CNOT10: variants seen among roughly 807,000 people sequenced by gnomAD.
CNOT10 encodes the protein CCR4-NOT transcription complex subunit 10, also known as CCR4-NOT transcription complex, subunit 10.
A neutral mutation model predicts 94.6 loss-of-function variants in CNOT10; 30 were observed. That is an observed-to-expected ratio of 0.32 (90% CI 0.24 to 0.43). The LOEUF is 0.43. Ranked by LOEUF, CNOT10 falls within the 20% of genes least tolerant of loss-of-function variation. The pLI, the probability that CNOT10 is intolerant of heterozygous loss-of-function variation, is 1.00. For synonymous variants in CNOT10, 289 were observed against 301.6 expected (o/e 0.96, Z 0.43); for missense variants, 759 against 877.2 (o/e 0.87, Z 1.70).
At chr3:32,737,080 A>G (rs1273841666) in intron 12 of CNOT10, among the ~76,000 whole-genome samples, 1 of 152,062 alleles carries the variant, frequency 6.6e-6, no homozygotes, top group East Asian at 1.9e-4. Flanking sequence ...TTGGGAGGCC[A>G]AGGCAGGTGG....
intron 1 of CNOT10, among the ~76,000 whole-genome samples, chr3:32,702,987 C>A (rs1479404668): frequency 6.6e-6 from 1 of 151,040 alleles, no homozygotes; most frequent in Admixed American, 6.6e-5. Context: ...TCTTGGCTCA[C>A]TGCAAGCTCC....
chr3:32,763,976 C>G (rs1356520531), intron 15 of CNOT10, among the ~76,000 whole-genome samples: 1 of 151,958 alleles, frequency 6.6e-6, no homozygotes, highest in Admixed American at 6.6e-5. Context: ...ACTAAAAATA[C>G]AAAATTAGCC....
At chr3:32,717,293 G>A in intron 7 of CNOT10, 56 bp downstream of exon 7, 1 of 1,033,460 alleles carries the variant, frequency 9.7e-7, no homozygotes, top group Non-Finnish European at 1.5e-6. Flanking sequence ...TTTAGACTAT[G>A]GGTATTGTCA....
intron 7 of CNOT10, among the ~76,000 whole-genome samples, chr3:32,717,839 C>T (rs1178567882): frequency 1.3e-5 from 2 of 152,052 alleles, no homozygotes; most frequent in African/African-American, 2.4e-5. Context: ...TCACGCTAGC[C>T]TGGGCAACAG....
intron 8 of CNOT10, among the ~76,000 whole-genome samples, chr3:32,724,953 A>G (rs557529523): frequency 4.0e-4 from 61 of 152,208 alleles, no homozygotes; most frequent in Non-Finnish European, 6.6e-4. Context: ...TTTCTACATA[A>G]TATTTCATTA....
intron 13 of CNOT10, among the ~76,000 whole-genome samples, chr3:32,746,709 C>T (rs1034168407): frequency 5.9e-5 from 9 of 151,950 alleles, no homozygotes; most frequent in African/African-American, 2.2e-4. Flanking sequence ...TGGTGGCAGG[C>T]GCCTGTAGTC....
intron 13 of CNOT10, chr3:32,753,948 T>C: frequency 1.0e-6 from 1 of 964,560 alleles, no homozygotes; most frequent in Non-Finnish European, 1.5e-6. Flanking sequence ...AATATAAAAA[T>C]TAGCTGGGCA....
intron 13 of CNOT10, among the ~76,000 whole-genome samples, chr3:32,749,915 G>T (rs1263844883): frequency 2.0e-5 from 3 of 152,080 alleles, no homozygotes; most frequent in Non-Finnish European, 4.4e-5. Context: ...GGAAAGGAGG[G>T]AAGGAGGAAG....
At chr3:32,734,040 G>A (rs1336461868) in intron 11 of CNOT10, among the ~76,000 whole-genome samples, 11 of 152,212 alleles carry the variant, frequency 7.2e-5, no homozygotes, top group Non-Finnish European at 5.9e-5. Context: ...TTTGTAAAGT[G>A]GCAAACTTTG....
intron 7 of CNOT10, among the ~76,000 whole-genome samples, chr3:32,717,449 A>T (rs1050335816): frequency 1.3e-5 from 2 of 151,170 alleles, no homozygotes; most frequent in South Asian, 4.2e-4. Context: ...TTTCTATTTT[A>T]TGTAACCTTC....
chr3:32,685,543 A>C, intron 1 of CNOT10, 61 bp downstream of exon 1: 1 of 1,538,742 alleles, frequency 6.5e-7, no homozygotes. Context: ...GCGGACCCTG[A>C]ACTCGGAGGC....
At chr3:32,717,375 G>A (rs144754329) in intron 7 of CNOT10, 138 bp downstream of exon 7, 7 of 506,648 alleles carry the variant, frequency 1.4e-5, no homozygotes, top group Middle Eastern at 5.2e-4. Context: ...AAGTTGGGAA[G>A]TAGTAATAAT....
Position 32,701,242 on chromosome 3 carries a change from TAAAATA to T in CNOT10, c.23-2608_23-2603del, listed in dbSNP as rs758976823. Among the ~76,000 whole-genome samples the T allele has an allele frequency of 1.0e-4, 15 of 149,598 alleles. 2 individuals are homozygous for T. Among genetic ancestry groups the T allele is most frequent in the Admixed American group, 5.4e-4 (8 of 14,778 alleles). On this transcript the variant is annotated intron_variant, in intron 1 of 18. Transcript: ENST00000328834. ...GCAAGACTCCATCTAAATAAATAAG[TAAAATA>T]AAAATAAAAATAAAAATGACTAATA... is the stretch of plus-strand genomic sequence containing the variant.
chr3:32,685,585 C>G, intron 1 of CNOT10, 103 bp downstream of exon 1: 1 of 1,315,034 alleles, frequency 7.6e-7, no homozygotes, highest in Non-Finnish European at 1.1e-6. Flanking sequence ...TCCAGGGCGA[C>G]TTGAATTTGG....
At chr3:32,689,974 A>G (rs973167741) in intron 1 of CNOT10, among the ~76,000 whole-genome samples, 67 of 152,300 alleles carry the variant, frequency 4.4e-4, no homozygotes, top group Non-Finnish European at 6.0e-4. Context: ...AAAAAAGCCA[A>G]TACACATAAT....
At chr3:32,690,865 A>G (rs1042344863) in intron 1 of CNOT10, among the ~76,000 whole-genome samples, 10 of 151,934 alleles carry the variant, frequency 6.6e-5, no homozygotes, top group African/African-American at 2.4e-4. Context: ...TATTTTTTCA[A>G]CTTTTTATTA....
chr3:32,758,471 CAG>C (rs1700307634), intron 13 of CNOT10, among the ~76,000 whole-genome samples: 1 of 152,156 alleles, frequency 6.6e-6, no homozygotes, highest in Admixed American at 6.6e-5. Flanking sequence ...CATTTCTAGT[CAG>C]AGGATTTCAG....
At chr3:32,696,886 A>G (rs1285605121) in intron 1 of CNOT10, among the ~76,000 whole-genome samples, 1 of 151,556 alleles carries the variant, frequency 6.6e-6, no homozygotes, top group Non-Finnish European at 1.5e-5. Context: ...CCCAGCTTAT[A>G]TATTTATCTT....
intron 1 of CNOT10, among the ~76,000 whole-genome samples, chr3:32,692,051 C>CAAA (rs747328876): frequency 3.0e-5 from 2 of 66,484 alleles, no homozygotes; most frequent in Non-Finnish European, 6.3e-5. Context: ...ACCCTGTCAC[C>CAAA]AAAAAAAAAA....
Sources: allele counts gnomAD v4.1 joint callset (sites outside exome capture counted in the v4.1 genomes callset), GRCh38; gene constraint gnomAD v4.1.1; transcripts MANE v1.5; gene names NCBI Gene and HGNC (gene_info 2026-07-23, HGNC 2026-07-21).